COL4A5: variants seen among roughly 807,000 people sequenced by gnomAD.
COL4A5 encodes collagen type IV alpha 5 chain.
In COL4A5, 26 loss-of-function variants were observed where a neutral mutation model predicts 130.2. The observed-to-expected ratio is 0.20, with a 90% CI of 0.15 to 0.28. The LOEUF (loss-of-function observed/expected upper bound fraction) is 0.28, where lower values mean the gene tolerates loss of function less well. Among genes scored for constraint, COL4A5 ranks in the 10% least tolerant of loss-of-function variants. The pLI, the probability that COL4A5 is intolerant of heterozygous loss-of-function variation, is 1.00. For missense variants in COL4A5, 1,131 were observed against 1,344.3 expected (o/e 0.84, Z 2.48); for synonymous variants, 496 against 439.6 (o/e 1.13, Z -1.60).
intron 36 of COL4A5, among the ~76,000 whole-genome samples, chrX:108,636,356 G>C (rs1409046729): frequency 3.7e-5 from 4 of 108,639 alleles, no homozygotes; most frequent in African/African-American, 1.3e-4. Context: ...ACAACTAAAG[G>C]AAAAATAAAT....
At chrX:108,475,236 C>A (rs1480514040) in intron 1 of COL4A5, among the ~76,000 whole-genome samples, 2 of 111,068 alleles carry the variant, frequency 1.8e-5, no homozygotes, top group Non-Finnish European at 3.8e-5. Context: ...CCTTTAAGAA[C>A]TTATTTTAGC....
chrX:108,490,996 G>T (rs759883579), intron 1 of COL4A5, among the ~76,000 whole-genome samples: 14 of 111,625 alleles, frequency 1.3e-4, no homozygotes, highest in Non-Finnish European at 2.5e-4. Flanking sequence ...CTTTATTATG[G>T]CTGCATAATA....
chrX:108,631,515 C>A (rs1339231549), intron 36 of COL4A5, among the ~76,000 whole-genome samples: 1 of 111,137 alleles, frequency 9.0e-6, no homozygotes, highest in African/African-American at 3.3e-5. Context: ...TCACCCCAAT[C>A]AACAGAATAT....
chrX:108,511,164 A>T (rs2065176836), intron 1 of COL4A5, among the ~76,000 whole-genome samples: 3 of 111,882 alleles, frequency 2.7e-5, no homozygotes, highest in African/African-American at 9.7e-5. Flanking sequence ...ATATTTTAAT[A>T]TGAGAAATTT....
At chrX:108,447,653 G>A (rs768718515) in intron 1 of COL4A5, among the ~76,000 whole-genome samples, 1 of 111,422 alleles carries the variant, frequency 9.0e-6, no homozygotes, top group Non-Finnish European at 1.9e-5. Flanking sequence ...CTGTGAGACA[G>A]ACTTAATTTT....
intron 10 of COL4A5, 137 bp from the exon 11 acceptor site, chrX:108,577,815 C>T (rs983841055): frequency 5.8e-6 from 3 of 514,329 alleles, no homozygotes; most frequent in African/African-American, 4.8e-5. Flanking sequence ...ATGTGTGTCT[C>T]TGACTAAAAT....
intron 2 of COL4A5, among the ~76,000 whole-genome samples, chrX:108,545,260 C>T (rs1261390001): frequency 3.6e-5 from 4 of 111,202 alleles, no homozygotes; most frequent in Non-Finnish European, 7.5e-5. Context: ...CTGTAAGTTT[C>T]CCTCTATACA....
In COL4A5 at chrX:108,440,182, T is replaced by C. The variant is rs766114864; in HGVS notation, c.57T>C (p.Leu19=). Reference sequence around the variant, plus strand: ...GCTTGTTCTTACTGGCCCTGAGTCTTTGGGGGCAGCCTGCAGAGGCTGCGG... The same window carrying C: ...GCTTGTTCTTACTGGCCCTGAGTCTCTGGGGGCAGCCTGCAGAGGCTGCGG... The part of the protein sequence containing the change: ...AAGLFLLALS[L]WGQPAEAAAC... The change falls in exon 1 of 53, where the codon CTT becomes CTC. Residue 19 remains leucine, a synonymous_variant. Coordinates refer to ENST00000328300, the MANE Select transcript of COL4A5 (RefSeq NM_033380.3). 4.7e-5 allele frequency: 57 copies of C among 1,202,630 alleles called. No homozygotes were observed. Among genetic ancestry groups the C allele is most frequent in the Non-Finnish European group, 6.1e-5 (54 of 891,155 alleles).
intron 1 of COL4A5, chrX:108,462,744 A>T (rs17003928): frequency 2.4e-4 from 27 of 112,345 alleles, no homozygotes; most frequent in African/African-American, 8.8e-4. Context: ...GGTAGTTTTT[A>T]AAGTTTTCTT....
intron 1 of COL4A5, among the ~76,000 whole-genome samples, chrX:108,463,476 T>A (rs1458890686): frequency 1.8e-5 from 2 of 111,884 alleles, no homozygotes; most frequent in African/African-American, 6.5e-5. Context: ...ACTCCATAGC[T>A]AAGCTGGAAG....
intron 47 of COL4A5, among the ~76,000 whole-genome samples, chrX:108,683,664 T>C (rs940495298): frequency 9.9e-5 from 11 of 111,649 alleles, no homozygotes; most frequent in Non-Finnish European, 1.7e-4. Flanking sequence ...CAATTGTGAA[T>C]GGGAGTTCAC....
At chrX:108,591,256 A>G (rs1356545674) in intron 20 of COL4A5, 25 bp downstream of exon 20, 2 of 1,188,419 alleles carry the variant, frequency 1.7e-6, no homozygotes, top group Non-Finnish European at 1.1e-6. Flanking sequence ...TCTCCTATTA[A>G]GTTCTATTTT....
chrX:108,494,950 A>G (rs1031177112), intron 1 of COL4A5, among the ~76,000 whole-genome samples: 3 of 111,308 alleles, frequency 2.7e-5, no homozygotes, highest in Non-Finnish European at 5.7e-5. Context: ...ATCACTCTAC[A>G]TGATATTATG....
At chrX:108,474,076 A>C (rs1039813486) in intron 1 of COL4A5, among the ~76,000 whole-genome samples, 3 of 111,331 alleles carry the variant, frequency 2.7e-5, no homozygotes, top group African/African-American at 9.8e-5. Flanking sequence ...TGAAGGAAGA[A>C]ATTTTTTATG....
At chrX:108,467,099 A>G (rs988759564) in intron 1 of COL4A5, among the ~76,000 whole-genome samples, 5 of 111,867 alleles carry the variant, frequency 4.5e-5, no homozygotes, top group African/African-American at 1.6e-4. Context: ...ATCCATTGCC[A>G]AATCCAAAGC....
rs1345065799 is a variant in COL4A5, at chrX:108,609,621, T to G, written c.2395+2729T>G. On this transcript the variant is annotated intron_variant, in intron 29 of 52. Coordinates refer to ENST00000328300, the MANE Select transcript of COL4A5 (RefSeq NM_033380.3). ...TTATCAATTTTTTCTTATATGATTA[T>G]AATTTTCTGTGTCTTGTCTAAGAAA... is the stretch of plus-strand genomic sequence containing the variant. Among the ~76,000 whole-genome samples, 4 of 111,952 alleles carry G rather than the reference T, an allele frequency of 3.6e-5. No individual in the cohort carries two copies. In the East Asian group the frequency reaches 8.3e-4, roughly 23 times the overall value.
At chrX:108,576,230 T>G (rs772675772) in intron 10 of COL4A5, among the ~76,000 whole-genome samples, 1 of 112,194 alleles carries the variant, frequency 8.9e-6, no homozygotes, top group Non-Finnish European at 1.9e-5. Context: ...GCTCTTGATG[T>G]ATCAGTGTTG....
intron 1 of COL4A5, among the ~76,000 whole-genome samples, chrX:108,454,679 A>T (rs1222407547): frequency 8.9e-6 from 1 of 111,972 alleles, no homozygotes; most frequent in Non-Finnish European, 1.9e-5. Flanking sequence ...TAGAAGGTGG[A>T]TGCTGCTCTG....
chrX:108,611,823 T>G (rs1417706305), intron 29 of COL4A5, among the ~76,000 whole-genome samples: 1 of 110,450 alleles, frequency 9.1e-6, no homozygotes, highest in Non-Finnish European at 1.9e-5. Context: ...TATTTTGATA[T>G]CAAAGCCAAG....
Sources: allele counts gnomAD v4.1 joint callset (sites outside exome capture counted in the v4.1 genomes callset), GRCh38; gene constraint gnomAD v4.1.1; transcripts MANE v1.5; gene names NCBI Gene and HGNC (gene_info 2026-07-23, HGNC 2026-07-21).